CFAP161: variants seen among roughly 807,000 people sequenced by gnomAD.
CFAP161 encodes cilia- and flagella-associated protein 161.
CFAP161 carries 25 observed loss-of-function variants against 29.0 expected under a neutral mutation model. The observed-to-expected ratio is 0.86, with a 90% CI of 0.63 to 1.20. The LOEUF (loss-of-function observed/expected upper bound fraction) is 1.20. Ranked by LOEUF, CFAP161 falls within the 50% of genes most tolerant of loss-of-function variation. The probability of loss-of-function intolerance (pLI) is 0.00; values close to 1 mark genes in which losing one functional copy is unlikely to be tolerated. For synonymous variants in CFAP161, 116 were observed against 137.4 expected, an observed-to-expected ratio of 0.84 and a Z score of 1.09; for missense variants, 367 against 371.9, an observed-to-expected ratio of 0.99 and a Z score of 0.11.
At chr15:81,112,167 C>T (rs1446246140) in intron 1 of CFAP161, among the ~76,000 whole-genome samples, 3 of 151,656 alleles carry the variant, frequency 2.0e-5, no homozygotes, top group Non-Finnish European at 2.9e-5. Flanking sequence ...AATACTTGCG[C>T]AAGCCGAGTG....
intron 1 of CFAP161, 85 bp from the exon 2 acceptor site, chr15:81,135,185 T>C: frequency 1.0e-6 from 1 of 976,914 alleles, no homozygotes; most frequent in South Asian, 2.2e-5. Context: ...TTTTGCTTTT[T>C]CAACTTGGAA....
intron 5 of CFAP161, among the ~76,000 whole-genome samples, chr15:81,145,117 C>T (rs1894985502): frequency 6.6e-6 from 1 of 152,200 alleles, no homozygotes; most frequent in Non-Finnish European, 1.5e-5. Context: ...CCAGGGTTCG[C>T]TTGCTACTGG....
chr15:81,115,900 C>G (rs550766849), intron 1 of CFAP161, among the ~76,000 whole-genome samples: 1 of 149,900 alleles, frequency 6.7e-6, no homozygotes, highest in Non-Finnish European at 1.5e-5. Flanking sequence ...GTTGCCCAGG[C>G]TGATTGCGAG....
chr15:81,128,757 A>T (rs919290317), intron 2 of CFAP161, among the ~76,000 whole-genome samples: 7 of 152,172 alleles, frequency 4.6e-5, no homozygotes, highest in African/African-American at 1.7e-4. Flanking sequence ...TTTTCAATTT[A>T]CTTCACCCAG....
At chr15:81,102,886 G>T (rs1418970245) in intron 1 of CFAP161, among the ~76,000 whole-genome samples, 1 of 152,138 alleles carries the variant, frequency 6.6e-6, no homozygotes, top group Non-Finnish European at 1.5e-5. Context: ...GGAAGAATTT[G>T]ATCTATGGGG....
At chr15:81,146,663 A>G (rs1895010931) in intron 5 of CFAP161, among the ~76,000 whole-genome samples, 1 of 151,428 alleles carries the variant, frequency 6.6e-6, no homozygotes, top group Non-Finnish European at 1.5e-5. Flanking sequence ...TGAGAAATGC[A>G]TCATTAGGCA....
intron 1 of CFAP161, among the ~76,000 whole-genome samples, chr15:81,122,829 A>G (rs1462696685): frequency 2.6e-5 from 4 of 151,880 alleles, no homozygotes; most frequent in Non-Finnish European, 5.9e-5. Context: ...GGCCTGATGT[A>G]TATCTTCTTT....
intron 3 of CFAP161, among the ~76,000 whole-genome samples, chr15:81,137,695 C>T (rs1002765155): frequency 2.0e-5 from 3 of 152,118 alleles, no homozygotes; most frequent in Admixed American, 1.3e-4. Context: ...AAGAGGGAAC[C>T]GTATTAAATG....
chr15:81,115,055 A>T (rs1274033020), intron 1 of CFAP161, among the ~76,000 whole-genome samples: 1 of 152,222 alleles, frequency 6.6e-6, no homozygotes, highest in Non-Finnish European at 1.5e-5. Context: ...TGGGACAGGC[A>T]GTTGTTGGGA....
At chr15:81,121,587 G>A (rs1190442897) in intron 1 of CFAP161, among the ~76,000 whole-genome samples, 1 of 151,786 alleles carries the variant, frequency 6.6e-6, no homozygotes, top group Non-Finnish European at 1.5e-5. Flanking sequence ...TTAACTCTTA[G>A]CAACCTTAAA....
Position 81,135,320 on chromosome 15 carries a change from A to G in CFAP161, c.120A>G (p.Ile40Met). The G allele has an allele frequency of 1.3e-6, 2 of 1,599,894 alleles. No homozygotes were observed. Among genetic ancestry groups the G allele is most frequent in the Non-Finnish European group, 1.7e-6 (2 of 1,176,394 alleles). Residue 40 changes from isoleucine (I) to methionine (M), a missense_variant, in exon 2 of 7, where the codon ATA (isoleucine) becomes ATG (methionine). Coordinates refer to ENST00000286732, the MANE Select transcript of CFAP161 (RefSeq NM_173528.4). ...AGAGAGACAAGGGGAAACTTCTCAT[A>G]CAGAGAAGTAGAAGACTAAAACAGA... ...LEKRDKGKLLIQRSRRLKQNL... is the reference protein window; with the variant it reads ...LEKRDKGKLLMQRSRRLKQNL...
At chr15:81,130,526 C>T (rs958671165), upstream of CFAP161, among the ~76,000 whole-genome samples, 8 of 152,156 alleles carry the variant, frequency 5.3e-5, no homozygotes, top group Non-Finnish European at 1.2e-4. Flanking sequence ...TGGTGAAACT[C>T]CCTCTCTACT....
intron 2 of CFAP161, 94 bp from the exon 3 acceptor site, chr15:81,136,422 A>C (rs1174701890): frequency 9.4e-7 from 1 of 1,068,982 alleles, no homozygotes; most frequent in Non-Finnish European, 1.4e-6. Context: ...TCCTGAATGA[A>C]ATGGGTACTA....
chr15:81,133,176 CATATATATATATATAT>C (rs141326043), upstream of CFAP161, among the ~76,000 whole-genome samples: 74 of 60,994 alleles, frequency 1.2e-3, 2 homozygotes, highest in East Asian at 3.6e-3. Flanking sequence ...CCTTCATCAG[CATATATATATATATAT>C]ATATATATAT....
chr15:81,103,486 A>G (rs1894326428), intron 1 of CFAP161, among the ~76,000 whole-genome samples: 1 of 152,118 alleles, frequency 6.6e-6, no homozygotes, highest in Admixed American at 6.5e-5. Flanking sequence ...CAAGAGGAAA[A>G]CAAAAAAAAC....
At chr15:81,116,557 A>G (rs1301755909) in intron 1 of CFAP161, among the ~76,000 whole-genome samples, 2 of 152,210 alleles carry the variant, frequency 1.3e-5, no homozygotes, top group Non-Finnish European at 2.9e-5. Flanking sequence ...TCAGCCTCCC[A>G]AAGTGCTGGG....
intron 5 of CFAP161, among the ~76,000 whole-genome samples, chr15:81,146,350 C>CA (rs1331749156): frequency 6.6e-6 from 1 of 151,876 alleles, no homozygotes; most frequent in Non-Finnish European, 1.5e-5. Flanking sequence ...GTCAGGAAAG[C>CA]AAAAAAATAA....
chr15:81,148,310 A>G lies in CFAP161; in HGVS notation c.711-28A>G, dbSNP rs766048543. 7.6e-6 allele frequency: 12 copies of G among 1,586,974 alleles called. 1 individual carries two copies. In the Admixed American group the frequency reaches 2.0e-4, roughly 27 times the overall value. On this transcript the variant is annotated intron_variant, in intron 6 of 6. Transcript: ENST00000286732. ...TATTGAGAGTTGTTATTCAATTTCA[A>G]ACCACAACTGATTCTCTCTTGCTCC... is the stretch of plus-strand genomic sequence containing the variant.
intron 4 of CFAP161, among the ~76,000 whole-genome samples, chr15:81,141,566 C>G (rs1250117120): frequency 2.0e-5 from 3 of 152,050 alleles, no homozygotes; most frequent in East Asian, 1.9e-4. Context: ...ATTAGCAAAC[C>G]CTTCTGGGGC....
Sources: allele counts gnomAD v4.1 joint callset (sites outside exome capture counted in the v4.1 genomes callset), GRCh38; gene constraint gnomAD v4.1.1; transcripts MANE v1.5; gene names NCBI Gene and HGNC (gene_info 2026-07-23, HGNC 2026-07-21).